The following WBP2NL variants were observed in gnomAD, a reference collection of about 807,000 sequenced individuals.
The protein encoded by WBP2NL is postacrosomal sheath WW domain-binding protein.
Under a neutral mutation model 23.3 loss-of-function variants are expected in WBP2NL, and 27 were observed. The observed-to-expected ratio is 1.16, with a 90% CI of 0.85 to 1.60. The LOEUF is 1.60. WBP2NL is among the 40% of genes most tolerant of loss of function. The probability of loss-of-function intolerance (pLI) is 0.00; values close to 1 mark genes in which losing one functional copy is unlikely to be tolerated. For missense variants in WBP2NL, 370 were observed against 389.5 expected (o/e 0.95, Z 0.42); for synonymous variants, 151 against 145.9 (o/e 1.03, Z -0.25).
At position 42,027,405 on chromosome 22, in the gene WBP2NL, T is replaced by C. The variant is rs535351246; in HGVS notation, c.*224T>C. The C allele has an allele frequency of 6.9e-5, 37 of 538,242 alleles. No individual in the cohort carries two copies. Among genetic ancestry groups the C allele is most frequent in the African/African-American group, 5.5e-4 (29 of 53,040 alleles). The allele number at this position is 538,242 out of a possible 1,614,324, so 33.3% of individuals were successfully genotyped here. On this transcript the variant is annotated 3_prime_UTR_variant, in exon 6 of 6. Coordinates refer to ENST00000328823, the MANE Select transcript of WBP2NL (RefSeq NM_152613.3). ...ATAGCTGGCTAAAGGAAGAATACCA[T>C]TGTGGGGCTAATTCCCCAGTAATTT...
intron 8 of WBP2NL, among the ~76,000 whole-genome samples, chr22:42,039,712 A>C (rs1433950354): frequency 6.6e-6 from 1 of 151,450 alleles, no homozygotes; most frequent in African/African-American, 2.4e-5. Flanking sequence ...CTTATTTATG[A>C]TTTTATTTAT....
chr22:42,054,045 G>A (rs1256410103), intron 8 of WBP2NL, among the ~76,000 whole-genome samples: 10 of 152,072 alleles, frequency 6.6e-5, no homozygotes, highest in Non-Finnish European at 1.5e-4. Flanking sequence ...TCCCATCCCA[G>A]CCTCCCAGTG....
intron 8 of WBP2NL, among the ~76,000 whole-genome samples, chr22:42,049,501 T>C (rs1329046634): frequency 6.6e-6 from 1 of 151,826 alleles, no homozygotes; most frequent in Non-Finnish European, 1.5e-5. Context: ...CCATCCTGGC[T>C]AACACGGTGA....
At chr22:42,036,334 C>T (rs569597471), downstream of WBP2NL, among the ~76,000 whole-genome samples, 3 of 152,162 alleles carry the variant, frequency 2.0e-5, no homozygotes, top group Non-Finnish European at 4.4e-5. Context: ...GCCACCATGC[C>T]CGGCTAATTT....
chr22:42,045,927 A>G (rs1925569486), intron 8 of WBP2NL, among the ~76,000 whole-genome samples: 1 of 152,236 alleles, frequency 6.6e-6, no homozygotes, highest in Non-Finnish European at 1.5e-5. Context: ...TGTTGAAGCT[A>G]CTTGTTGATA....
At chr22:42,056,483 TC>T (rs999130313) in intron 8 of WBP2NL, among the ~76,000 whole-genome samples, 1 of 152,198 alleles carries the variant, frequency 6.6e-6, no homozygotes, top group African/African-American at 2.4e-5. Flanking sequence ...TCTTTATTTC[TC>T]CATGTGGATT....
At chr22:42,054,211 A>G (rs1925947298) in intron 8 of WBP2NL, among the ~76,000 whole-genome samples, 1 of 151,990 alleles carries the variant, frequency 6.6e-6, no homozygotes, top group South Asian at 2.1e-4. Flanking sequence ...TTTTTGAGAC[A>G]GAGTCTCACA....
intron 1 of WBP2NL, among the ~76,000 whole-genome samples, chr22:42,010,190 G>A (rs575541907): frequency 6.6e-6 from 1 of 152,220 alleles, no homozygotes; most frequent in African/African-American, 2.4e-5. Context: ...TATTTTGACA[G>A]CTTTTTGGTG....
rs749509549 is a variant in WBP2NL, at chr22:42,019,802, T to C, written c.312T>C (p.Tyr104=). 6.2e-7 allele frequency: 1 copy of C among 1,614,172 alleles called. No individual in the cohort carries two copies. Among genetic ancestry groups the C allele is most frequent in the South Asian group, 1.1e-5 (1 of 91,062 alleles). ...AGGGAACTATTCAGGCAGCTCCATA[T>C]GGTAAGTGTTCCCTCAGAAGTGTGT... ...FIKGTIQAAP[Y]GGWEGQATFK... is the part of the protein sequence containing the mutation. Residue 104 remains tyrosine (Y), a splice_region_variant and synonymous_variant, in exon 3 of 6, where the codon TAT becomes TAC. Coordinates refer to ENST00000328823, the MANE Select transcript of WBP2NL (RefSeq NM_152613.3).
rs143074162 is a variant in WBP2NL, at chr22:42,052,095, CAATT to C, written c.*274-6194_*274-6191del. Among the ~76,000 whole-genome samples, 626 of 152,216 alleles carry C rather than the reference CAATT, an allele frequency of 4.1e-3. 4 individuals carry two copies. Among genetic ancestry groups the C allele is most frequent in the African/African-American group, 0.014 (586 of 41,516 alleles). On this transcript the variant is annotated intron_variant and NMD_transcript_variant, in intron 8 of 8. Transcript: ENST00000436265. The stretch of plus-strand genomic sequence containing the variant: ...GTCTTTTTAGTAAGGAAAATCATCT[CAATT>C]TATTATTTTACACACCCCAAGTCAG...
chr22:42,019,220 CAA>C (rs371093593), intron 1 of WBP2NL, 89 bp from the exon 2 acceptor site: 4,539 of 1,008,334 alleles, frequency 4.5e-3, no homozygotes, highest in South Asian at 7.0e-3. Context: ...GACTCTGTCT[CAA>C]AAAAAAAAAA....
intron 1 of WBP2NL, among the ~76,000 whole-genome samples, chr22:42,005,916 A>G (rs994417717): frequency 4.6e-5 from 7 of 152,232 alleles, no homozygotes; most frequent in East Asian, 3.8e-4. Flanking sequence ...CACTCAAAGC[A>G]AAAGTGAACA....
intron 8 of WBP2NL, among the ~76,000 whole-genome samples, chr22:42,058,138 A>T (rs1926162082): frequency 6.6e-6 from 1 of 150,932 alleles, no homozygotes; most frequent in South Asian, 2.1e-4. Flanking sequence ...GGATGGTCTC[A>T]ATCTCCTGAC....
rs143040927 is a variant in WBP2NL, at chr22:42,020,072, T to C, written c.382T>C (p.Leu128=). The change falls in exon 4 of 6, where the codon TTG becomes CTG. Residue 128 remains leucine, a synonymous_variant. Coordinates refer to ENST00000328823, the MANE Select transcript of WBP2NL (RefSeq NM_152613.3). ...RNGDAIEFAQ[L]MVKAASAAAR... ...TGGAGATGCCATTGAATTTGCCCAG[T>C]TGATGGTGAAAGCTGCCTCTGCTGG... is the stretch of plus-strand genomic sequence containing the variant. The C allele has an allele frequency of 6.2e-7, 1 of 1,614,028 alleles. No individual in the cohort carries two copies. Among genetic ancestry groups the C allele is most frequent in the African/African-American group, 1.3e-5 (1 of 74,936 alleles).
chr22:42,019,927 C>A, intron 3 of WBP2NL, 77 bp from the exon 4 acceptor site: 2 of 1,592,872 alleles, frequency 1.3e-6, no homozygotes, highest in Non-Finnish European at 1.7e-6. Flanking sequence ...GGTAGTGCTT[C>A]CCTTGGTGTT....
At chr22:42,023,495 T>TTTTTTG (rs576602518) in intron 5 of WBP2NL, among the ~76,000 whole-genome samples, 1 of 149,798 alleles carries the variant, frequency 6.7e-6, no homozygotes, top group African/African-American at 2.5e-5. Context: ...TCTGGCAGCC[T>TTTTTTG]TTTTTGTTTT....
At chr22:42,051,142 A>G (rs1283503905) in intron 8 of WBP2NL, among the ~76,000 whole-genome samples, 3 of 152,384 alleles carry the variant, frequency 2.0e-5, no homozygotes, top group East Asian at 3.8e-4. Flanking sequence ...ACAATGGGAT[A>G]TTATTCATTT....
At chr22:42,042,775 T>C (rs942812301) in intron 8 of WBP2NL, among the ~76,000 whole-genome samples, 2 of 152,118 alleles carry the variant, frequency 1.3e-5, no homozygotes, top group Non-Finnish European at 2.9e-5. Flanking sequence ...GAAGTAATCA[T>C]TGGCTGGGTA....
intron 8 of WBP2NL, among the ~76,000 whole-genome samples, chr22:42,054,832 T>C (rs1925974513): frequency 6.6e-6 from 1 of 152,078 alleles, no homozygotes; most frequent in South Asian, 2.1e-4. Flanking sequence ...AAGCCTGCAC[T>C]GAGCTATGTC....
Sources: gnomAD v4.1 joint callset for allele counts (sites outside exome capture counted in the v4.1 genomes callset) on GRCh38, gnomAD v4.1.1 for gene constraint, MANE v1.5 for transcripts, NCBI Gene and HGNC (gene_info 2026-07-23, HGNC 2026-07-21) for gene names.